NSD1: variants seen among roughly 807,000 people sequenced by gnomAD.
NSD1 encodes histone-lysine N-methyltransferase, H3 lysine-36 specific.
In NSD1, 26 loss-of-function variants were observed where a neutral mutation model predicts 242.7. The ratio of observed to expected loss-of-function variants is 0.11; its 90% CI spans 0.08 to 0.15. The LOEUF (loss-of-function observed/expected upper bound fraction) is 0.15, where lower values mean the gene tolerates loss of function less well. Among genes scored for constraint, NSD1 ranks in the 10% least tolerant of loss-of-function variants. NSD1 has a pLI of 1.00. For synonymous variants in NSD1, 1,106 were observed against 1,178.1 expected (o/e 0.94, Z 1.25); for missense variants, 2,495 against 3,272.8 (o/e 0.76, Z 5.80).
At position 177,159,015 on chromosome 5, in the gene NSD1, TATATATATATGAATG is replaced by T. The variant is rs1483205920; in HGVS notation, c.927+22996_927+23010del. On this transcript the variant is annotated intron_variant, in intron 2 of 22. Coordinates refer to ENST00000439151, the MANE Select transcript of NSD1 (RefSeq NM_022455.5). ...GAATGATTTTATATATATATATATA[TATATATATATGAATG>T]ATATATATATATATATATGAATGAA... Among the ~76,000 whole-genome samples, 51 of 129,902 alleles carry T rather than the reference TATATATATATGAATG, an allele frequency of 3.9e-4. 1 individual carries two copies. Among genetic ancestry groups the T allele is most frequent in the Middle Eastern group, 7.5e-3 (2 of 268 alleles). The allele number at this position is 129,902 out of a possible 152,430, so 85.2% of individuals were successfully genotyped here.
chr5:177,293,937 T>C lies in NSD1; in HGVS notation c.6569T>C (p.Met2190Thr). Residue 2190 changes from methionine to threonine, a missense_variant, in exon 23 of 23, where the codon ATG becomes ACG. Met to Thr is a moderately conservative substitution (Grantham distance 81). Around this residue, in one of 19 missense-constraint regions of NSD1, gnomAD observed 33 missense variants for 134.8 expected, o/e 0.24. Transcript: ENST00000439151. ...SSFCKQHREG[M>T]LFISKLDGRL... Reference sequence around the variant, plus strand: ...TTTTGTAAGCAGCATCGAGAAGGGATGCTTTTCATTTCCAAACTGGATGGG... The same window carrying C: ...TTTTGTAAGCAGCATCGAGAAGGGACGCTTTTCATTTCCAAACTGGATGGG... 6.2e-7 allele frequency: 1 copy of C among 1,614,130 alleles called. No homozygotes were observed. Among genetic ancestry groups the C allele is most frequent in the Non-Finnish European group, 8.5e-7 (1 of 1,180,024 alleles).
chr5:177,260,669 G>T (rs1756931259), intron 14 of NSD1, among the ~76,000 whole-genome samples: 1 of 151,900 alleles, frequency 6.6e-6, no homozygotes, highest in Admixed American at 6.6e-5. Context: ...TTAAAACTTG[G>T]CTTTGTTGCC....
intron 5 of NSD1, among the ~76,000 whole-genome samples, chr5:177,212,956 T>C (rs1310108453): frequency 6.6e-6 from 1 of 152,148 alleles, no homozygotes; most frequent in Non-Finnish European, 1.5e-5. Context: ...TGACCATTAC[T>C]TAAGATAGGT....
chr5:177,265,925 T>A, intron 14 of NSD1: 21 of 1,397,828 alleles, frequency 1.5e-5, no homozygotes, highest in Non-Finnish European at 2.1e-5. Context: ...GGTGTAGATG[T>A]CTACCTCCTT....
chr5:177,265,216 C>G (rs543250059), intron 14 of NSD1: 2 of 777,208 alleles, frequency 2.6e-6, no homozygotes, highest in African/African-American at 1.7e-5. Context: ...CTGCTGGAAC[C>G]TATTCCCTAT....
At position 177,283,793 on chromosome 5, in the gene NSD1, A is replaced by G; in HGVS notation, c.6016A>G (p.Ile2006Val). The change falls in exon 20 of 23, where the codon ATC (isoleucine) becomes GTC (valine). Residue 2006 changes from isoleucine to valine, a missense_variant. Ile to Val is a conservative substitution (Grantham distance 29). This residue lies in a region of NSD1 where 26 missense variants were observed against 119.1 expected (regional missense o/e 0.22). Coordinates refer to ENST00000439151, the MANE Select transcript of NSD1 (RefSeq NM_022455.5). ...GCTTCTTTTGGAATTCTAGGACCGA[A>G]TCATTGATGCTGGTCCCAAAGGAAA... ...FYMLTLDKDR[I>V]IDAGPKGNYA... 1.9e-6 allele frequency: 3 copies of G among 1,614,176 alleles called. No homozygotes were observed. Among genetic ancestry groups the G allele is most frequent in the Non-Finnish European group, 1.7e-6 (2 of 1,180,014 alleles).
chr5:177,280,945 T>A, intron 18 of NSD1, 111 bp downstream of exon 18: 3 of 1,213,622 alleles, frequency 2.5e-6, no homozygotes, highest in Non-Finnish European at 3.5e-6. Context: ...AGTTAATAAT[T>A]AACCTTATTG....
chr5:177,215,163 C>T (rs1233042153), intron 5 of NSD1, among the ~76,000 whole-genome samples: 1 of 151,270 alleles, frequency 6.6e-6, no homozygotes, highest in East Asian at 1.9e-4. Context: ...GCAGATATCT[C>T]TGAGATCTGG....
chr5:177,142,053 C>T (rs1756869844), intron 2 of NSD1, among the ~76,000 whole-genome samples: 1 of 152,156 alleles, frequency 6.6e-6, no homozygotes, highest in South Asian at 2.1e-4. Context: ...ATGCTGGTCT[C>T]AAACTCCTGA....
At chr5:177,244,350 CAT>C in intron 9 of NSD1, 80 bp downstream of exon 9, 1 of 1,021,426 alleles carries the variant, frequency 9.8e-7, no homozygotes, top group Admixed American at 1.9e-5. Context: ...AAAATTGTTA[CAT>C]GTGTAAGCCC....
chr5:177,253,072 A>T (rs1040117829), intron 12 of NSD1, among the ~76,000 whole-genome samples: 1 of 152,190 alleles, frequency 6.6e-6, no homozygotes, highest in East Asian at 1.9e-4. Flanking sequence ...GGGCAGATGC[A>T]GCAAAGATAC....
At chr5:177,175,703 A>G (rs1353554089) in intron 2 of NSD1, among the ~76,000 whole-genome samples, 1 of 152,158 alleles carries the variant, frequency 6.6e-6, no homozygotes, top group Non-Finnish European at 1.5e-5. Flanking sequence ...AGCCTTGAGT[A>G]TAATAGTGTC....
chr5:177,280,873 T>G, intron 18 of NSD1, 39 bp downstream of exon 18: 2 of 1,600,704 alleles, frequency 1.2e-6, no homozygotes, highest in Non-Finnish European at 1.7e-6. Context: ...TTCTCCTCTT[T>G]GCAGTTGCTT....
At chr5:177,252,536 GTTCTTTTTTTTTTT>G (rs1756063387) in intron 12 of NSD1, among the ~76,000 whole-genome samples, 1 of 98,996 alleles carries the variant, frequency 1.0e-5, no homozygotes, top group African/African-American at 4.3e-5. Flanking sequence ...AAAGTAAAGT[GTTCTTTTTTTTTTT>G]TTTTTTTTTT....
At chr5:177,284,177 A>G (rs1038122722) in intron 20 of NSD1, among the ~76,000 whole-genome samples, 1 of 152,226 alleles carries the variant, frequency 6.6e-6, no homozygotes, top group East Asian at 1.9e-4. Flanking sequence ...AGCCCCTGGC[A>G]ACTACCATTC....
At chr5:177,178,483 G>A (rs139099246) in intron 2 of NSD1, among the ~76,000 whole-genome samples, 7 of 152,114 alleles carry the variant, frequency 4.6e-5, no homozygotes, top group Non-Finnish European at 7.4e-5. Flanking sequence ...GCCTCGGCCT[G>A]CCAAAGTGTT....
intron 16 of NSD1, 108 bp from the exon 17 acceptor site, chr5:177,273,564 A>G: frequency 1.2e-6 from 1 of 859,490 alleles, no homozygotes; most frequent in East Asian, 2.5e-5. Flanking sequence ...ATTTTTGTGT[A>G]AAACATGGAG....
intron 2 of NSD1, among the ~76,000 whole-genome samples, chr5:177,176,865 G>A (rs1292675262): frequency 6.6e-6 from 1 of 152,140 alleles, no homozygotes; most frequent in African/African-American, 2.4e-5. Flanking sequence ...AGGAGTGGCA[G>A]ATATCCATTT....
intron 3 of NSD1, among the ~76,000 whole-genome samples, chr5:177,192,390 GT>G (rs577896801): frequency 3.6e-5 from 5 of 139,438 alleles, no homozygotes; most frequent in Non-Finnish European, 4.7e-5. Context: ...TTTGTTTTTT[GT>G]TTTTTTTTTT....
Sources: gnomAD v4.1 joint callset for allele counts (sites outside exome capture counted in the v4.1 genomes callset) on GRCh38, gnomAD v4.1.1 for gene constraint, gnomAD v4.1.1 regional missense constraint, MANE v1.5 for transcripts, NCBI Gene and HGNC (gene_info 2026-07-23, HGNC 2026-07-21) for gene names.